PDE4D: variants seen among roughly 807,000 people sequenced by gnomAD.
PDE4D encodes the protein phosphodiesterase 4D.
A neutral mutation model predicts 87.4 loss-of-function variants in PDE4D; 24 were observed. That is an observed-to-expected ratio of 0.27 (90% CI 0.20 to 0.39). PDE4D has a LOEUF of 0.39. Ranked by LOEUF, PDE4D falls within the 10% of genes least tolerant of loss-of-function variation. The probability of loss-of-function intolerance (pLI) is 1.00; values close to 1 mark genes in which losing one functional copy is unlikely to be tolerated. For synonymous variants in PDE4D, 384 were observed against 383.2 expected, an observed-to-expected ratio of 1.00 and a Z score of -0.02; for missense variants, 714 against 1,041.0, an observed-to-expected ratio of 0.69 and a Z score of 4.32.
chr5:59,374,511 A>T (rs1784411091), intron 1 of PDE4D, among the ~76,000 whole-genome samples: 1 of 152,120 alleles, frequency 6.6e-6, no homozygotes. Context: ...ACAGAGAGAA[A>T]CACTCAGATT....
intron 1 of PDE4D, among the ~76,000 whole-genome samples, chr5:59,507,306 T>G (rs952796350): frequency 3.3e-5 from 5 of 152,042 alleles, no homozygotes; most frequent in Non-Finnish European, 7.4e-5. Context: ...CACTCCAGCC[T>G]GGGCAAAGCA....
chr5:59,393,724 A>C (rs370931395), intron 1 of PDE4D, among the ~76,000 whole-genome samples: 7 of 152,338 alleles, frequency 4.6e-5, no homozygotes, highest in African/African-American at 1.2e-4. Flanking sequence ...ATAATTTTTA[A>C]AGGACTTGTT....
chr5:60,081,050 T>A (rs1402084930), intron 2 of PDE4D, among the ~76,000 whole-genome samples: 1 of 152,178 alleles, frequency 6.6e-6, no homozygotes, highest in Non-Finnish European at 1.5e-5. Flanking sequence ...ACTGCCTCCA[T>A]TTTAGAGACT....
At position 59,170,875 on chromosome 5, in the gene PDE4D, C is replaced by T. The variant is rs1782644926; in HGVS notation, c.808+9720G>A. Among the ~76,000 whole-genome samples the T allele has an allele frequency of 2.0e-5, 3 of 149,412 alleles. No individual in the cohort carries two copies. In the South Asian group the frequency reaches 6.3e-4, roughly 32 times the overall value. On this transcript the variant is annotated intron_variant, in intron 5 of 14. Coordinates refer to ENST00000340635, the MANE Select transcript of PDE4D (RefSeq NM_001104631.2). ...GCTGTAATGAACATGTGTATATATA[C>T]TTTCACTTTTTTTTTTTTTTTTTGA...
At chr5:60,047,226 T>C (rs1485842244) in intron 2 of PDE4D, among the ~76,000 whole-genome samples, 1 of 152,228 alleles carries the variant, frequency 6.6e-6, no homozygotes, top group Admixed American at 6.5e-5. Flanking sequence ...CCCTTTATCA[T>C]TTTTTATTGC....
At chr5:59,642,258 ATATT>A (rs1189181766) in intron 1 of PDE4D, among the ~76,000 whole-genome samples, 1 of 151,942 alleles carries the variant, frequency 6.6e-6, no homozygotes, top group African/African-American at 2.4e-5. Context: ...TACTATATAT[ATATT>A]TAATTTTACT....
intron 2 of PDE4D, among the ~76,000 whole-genome samples, chr5:59,209,517 A>G (rs1003517373): frequency 1.3e-5 from 2 of 152,186 alleles, no homozygotes; most frequent in Non-Finnish European, 2.9e-5. Context: ...GATATGAATA[A>G]ACAACTAATC....
intron 1 of PDE4D, among the ~76,000 whole-genome samples, chr5:59,625,897 G>C (rs1245971727): frequency 6.6e-6 from 1 of 152,124 alleles, no homozygotes; most frequent in East Asian, 1.9e-4. Flanking sequence ...TAGCTAACAC[G>C]GTGAAACCCC....
chr5:59,399,907 C>G, intron 1 of PDE4D, among the ~76,000 whole-genome samples: 2 of 112,786 alleles, frequency 1.8e-5, no homozygotes, highest in Non-Finnish European at 3.7e-5. Context: ...ATAACCCCAT[C>G]AAAAAGTGGG....
chr5:59,809,765 C>T (rs1386429899), intron 1 of PDE4D, among the ~76,000 whole-genome samples: 3 of 152,132 alleles, frequency 2.0e-5, no homozygotes, highest in African/African-American at 7.2e-5. Context: ...AATTCAATTC[C>T]ATCAAGCAGT....
intron 5 of PDE4D, among the ~76,000 whole-genome samples, chr5:59,067,463 T>C (rs1764116442): frequency 6.6e-6 from 1 of 152,170 alleles, no homozygotes; most frequent in African/African-American, 2.4e-5. Context: ...AATTAGTACT[T>C]TTTTTGAAAT....
intron 2 of PDE4D, among the ~76,000 whole-genome samples, chr5:60,010,997 T>C (rs568984443): frequency 1.3e-4 from 20 of 152,284 alleles, no homozygotes; most frequent in African/African-American, 4.3e-4. Flanking sequence ...AGGAGAAATT[T>C]ATCTCAACCT....
chr5:60,092,813 T>G (rs183091469), intron 2 of PDE4D, among the ~76,000 whole-genome samples: 1 of 152,308 alleles, frequency 6.6e-6, no homozygotes, highest in Admixed American at 6.5e-5. Flanking sequence ...TAGGCTAAAT[T>G]ACAATGCTCT....
chr5:59,695,618 CT>C lies in PDE4D; in HGVS notation c.455+197549del, dbSNP rs570293295. ...TATTTGATTTTATTCTATTTTTTTT[CT>C]TTTTGAGACATGGTCTGTGTCGTCC... On this transcript the variant is annotated intron_variant, in intron 1 of 14. Coordinates refer to ENST00000340635, the MANE Select transcript of PDE4D (RefSeq NM_001104631.2). Among the ~76,000 whole-genome samples the C allele has an allele frequency of 3.2e-3, 484 of 151,730 alleles. 3 individuals are homozygous for C. Among genetic ancestry groups the C allele is most frequent in the African/African-American group, 0.011 (446 of 41,390 alleles).
chr5:59,685,216 A>G (rs1201027268), intron 1 of PDE4D, among the ~76,000 whole-genome samples: 1 of 152,166 alleles, frequency 6.6e-6, no homozygotes, highest in East Asian at 1.9e-4. Flanking sequence ...TAGATTTCAC[A>G]AGTGGCAAGG....
At chr5:60,430,367 C>T in intron 1 of PDE4D, 1 of 414,990 alleles carries the variant, frequency 2.4e-6, no homozygotes, top group Non-Finnish European at 4.7e-6. Context: ...TACTTCCCCT[C>T]TTCCTCCCTC....
intron 2 of PDE4D, among the ~76,000 whole-genome samples, chr5:60,135,330 T>A (rs941245414): frequency 4.6e-5 from 7 of 152,220 alleles, no homozygotes; most frequent in African/African-American, 1.7e-4. Flanking sequence ...CTACTGAGTG[T>A]ATGCTATTTT....
intron 1 of PDE4D, among the ~76,000 whole-genome samples, chr5:60,473,437 G>A (rs1748011589): frequency 6.6e-6 from 1 of 152,110 alleles, no homozygotes; most frequent in Non-Finnish European, 1.5e-5. Flanking sequence ...CTTTCAAATG[G>A]TTTAGAAAAG....
At chr5:59,847,171 AG>A (rs1743986467) in intron 1 of PDE4D, among the ~76,000 whole-genome samples, 1 of 151,966 alleles carries the variant, frequency 6.6e-6, no homozygotes. Context: ...GTGAGGAGGA[AG>A]TGTTTTCTAG....
Sources: allele counts gnomAD v4.1 joint callset (sites outside exome capture counted in the v4.1 genomes callset), GRCh38; gene constraint gnomAD v4.1.1; transcripts MANE v1.5; gene names NCBI Gene and HGNC (gene_info 2026-07-23, HGNC 2026-07-21).